The following GLDN variants were observed in gnomAD, a reference collection of about 807,000 sequenced individuals.
GLDN encodes gliomedin.
In GLDN, 47 loss-of-function variants were observed where a neutral mutation model predicts 56.5. The ratio of observed to expected loss-of-function variants is 0.83; its 90% confidence interval spans 0.66 to 1.06. The LOEUF (loss-of-function observed/expected upper bound fraction) is 1.06. Among genes scored for constraint, GLDN ranks in the 50% least tolerant of loss-of-function variants. The pLI is 0.00. For synonymous variants in GLDN, 332 were observed against 278.8 expected (o/e 1.19, Z -1.90); for missense variants, 782 against 714.3 (o/e 1.09, Z -1.08).
Position 51,397,450 on chromosome 15 carries a change from T to TTCTC in GLDN, c.689-7_689-4dup. On this transcript the variant is annotated intron_variant, in intron 5 of 9. Transcript: ENST00000335449. ...CTACCTCTTGCCTCCTTCTCTCCCTTTCTCTCTCTCTCTCTCCAGGTGCCA... is the reference window on the plus strand; with the variant it reads ...CTACCTCTTGCCTCCTTCTCTCCCTTTCTCTCTCTCTCTCTCTCTCCAGGTGCCA... 3.5e-6 allele frequency: 4 copies of TTCTC among 1,147,114 alleles called. No homozygotes were observed. The highest frequency in any genetic ancestry group is 4.6e-6 in the Non-Finnish European group (4 of 866,148). The allele number at this position is 1,147,114 out of a possible 1,614,324, so 71.1% of individuals were successfully genotyped here.
intron 4 of GLDN, among the ~76,000 whole-genome samples, chr15:51,394,573 A>G (rs1956523213): frequency 6.6e-6 from 1 of 152,170 alleles, no homozygotes. Flanking sequence ...AGATCGCGCT[A>G]CTGCACACCA....
intron 1 of GLDN, among the ~76,000 whole-genome samples, chr15:51,349,864 C>T (rs1260870163): frequency 6.6e-6 from 1 of 151,986 alleles, no homozygotes; most frequent in Non-Finnish European, 1.5e-5. Context: ...CTCAGCCTCC[C>T]GAGTAGCTGG....
intron 1 of GLDN, among the ~76,000 whole-genome samples, chr15:51,374,818 G>A (rs887933976): frequency 1.4e-5 from 2 of 146,168 alleles, no homozygotes; most frequent in Non-Finnish European, 3.0e-5. Context: ...GTTCACTGCA[G>A]CCTCAGCCTC....
chr15:51,397,084 C>A (rs984107929), intron 5 of GLDN, among the ~76,000 whole-genome samples: 1 of 152,252 alleles, frequency 6.6e-6, no homozygotes, highest in Admixed American at 6.5e-5. Flanking sequence ...CAGGTCAGAG[C>A]AGAGGGTGTC....
chr15:51,396,028 TC>T (rs2141123694), intron 5 of GLDN, among the ~76,000 whole-genome samples: 1 of 152,210 alleles, frequency 6.6e-6, no homozygotes, highest in South Asian at 2.1e-4. Context: ...GGGCTCTGCC[TC>T]CATGATCCAA....
chr15:51,373,042 G>A (rs926024725), intron 1 of GLDN, among the ~76,000 whole-genome samples: 1 of 151,980 alleles, frequency 6.6e-6, no homozygotes, highest in African/African-American at 2.4e-5. Flanking sequence ...CCTCCTTTAG[G>A]CCCCACCTCC....
chr15:51,400,450 T>C lies in GLDN; in HGVS notation c.979T>C (p.Ser327Pro). 6.2e-7 allele frequency: 1 copy of C among 1,613,766 alleles called. No individual in the cohort carries two copies. The highest frequency in any genetic ancestry group is 8.5e-7 in the Non-Finnish European group (1 of 1,179,786). The change falls in exon 8 of 10, where the codon TCT becomes CCT. Residue 327 changes from serine to proline, a missense_variant. By Grantham distance (74) the Ser-to-Pro change is moderately conservative. Transcript: ENST00000335449. ...GACATTTGGGACTTGGATAAGAGAG[T>C]CTGCTAACAAGAGTGATGACCGGAT... is the stretch of plus-strand genomic sequence containing the variant. ...TETFGTWIRE[S>P]ANKSDDRIWV... is the part of the protein sequence containing the mutation.
At chr15:51,378,599 G>C (rs1397740966) in intron 2 of GLDN, among the ~76,000 whole-genome samples, 1 of 152,158 alleles carries the variant, frequency 6.6e-6, no homozygotes, top group Non-Finnish European at 1.5e-5. Flanking sequence ...AGACCACTTA[G>C]GAGAGATTGG....
At chr15:51,353,567 T>C (rs2037115084) in intron 1 of GLDN, among the ~76,000 whole-genome samples, 1 of 152,060 alleles carries the variant, frequency 6.6e-6, no homozygotes, top group African/African-American at 2.4e-5. Context: ...AAAATTTGTA[T>C]GCTGGCATTT....
chr15:51,379,805 C>T (rs2037716566), intron 2 of GLDN, among the ~76,000 whole-genome samples: 1 of 152,152 alleles, frequency 6.6e-6, no homozygotes, highest in Non-Finnish European at 1.5e-5. Flanking sequence ...GGGCCCAGTG[C>T]AAAATGAAAA....
chr15:51,378,327 G>A (rs751331593), intron 2 of GLDN, among the ~76,000 whole-genome samples: 5 of 152,132 alleles, frequency 3.3e-5, no homozygotes, highest in Admixed American at 6.5e-5. Context: ...GTCATATTCC[G>A]GCCCTCACTG....
chr15:51,342,634 G>A (rs1360110446), intron 1 of GLDN, among the ~76,000 whole-genome samples: 1 of 152,194 alleles, frequency 6.6e-6, no homozygotes, highest in African/African-American at 2.4e-5. Context: ...TGGGAAAGTT[G>A]CCCCTGGATC....
chr15:51,402,027 C>T (rs2038263889), intron 9 of GLDN, among the ~76,000 whole-genome samples: 1 of 152,200 alleles, frequency 6.6e-6, no homozygotes, highest in African/African-American at 2.4e-5. Context: ...GCCGCAGCTT[C>T]CCCATCCTCT....
intron 1 of GLDN, among the ~76,000 whole-genome samples, chr15:51,362,439 T>G (rs1464437701): frequency 6.7e-6 from 1 of 149,604 alleles, no homozygotes; most frequent in East Asian, 2.0e-4. Flanking sequence ...GAGCTGAGAT[T>G]GTGCCACTGC....
At chr15:51,398,508 G>A (rs1335260326) in intron 6 of GLDN, among the ~76,000 whole-genome samples, 1 of 152,222 alleles carries the variant, frequency 6.6e-6, no homozygotes, top group African/African-American at 2.4e-5. Context: ...TCATAAGGAG[G>A]ATCCTCACTG....
Position 51,383,999 on chromosome 15 carries a change from A to G in GLDN, c.541+107A>G, listed in dbSNP as rs115568296. ...CAGGGGTAAGGTGTTTCATCTCTGC[A>G]CAGTTTAAGGCCGGTTTAACTCTTA... On this transcript the variant is annotated intron_variant, in intron 4 of 9. Transcript: ENST00000335449. The G allele has an allele frequency of 3.2e-3, 2,780 of 869,232 alleles. 52 individuals carry two copies. The African/African-American group carries it at 0.042, about 13-fold the overall frequency. 53.8% of individuals were successfully genotyped at this position (869,232 alleles called of 1,614,324 possible).
intron 2 of GLDN, among the ~76,000 whole-genome samples, chr15:51,381,780 T>C (rs1268503311): frequency 1.3e-5 from 2 of 151,954 alleles, no homozygotes; most frequent in Non-Finnish European, 2.9e-5. Flanking sequence ...TTTTTTTTTT[T>C]CTGCAATGCC....
chr15:51,409,182 CACA>C (rs2038437451), downstream of GLDN, among the ~76,000 whole-genome samples: 1 of 150,900 alleles, frequency 6.6e-6, no homozygotes, highest in African/African-American at 2.4e-5. Context: ...GTAACGCTGT[CACA>C]ACGCCAAAAA....
rs1025159330 is a variant in GLDN at position 51,406,326 on chromosome 15, G to C, written c.*1572G>C. On this transcript the variant is annotated 3_prime_UTR_variant, in exon 10 of 10. Transcript: ENST00000335449. ...CGCTGCGGCCCCGGGAAGGGCCACT[G>C]CGAATAGAGAGGAAGCTGGAAAAGT... 10 of 152,170 alleles carry C rather than the reference G, an allele frequency of 6.6e-5. No individual in the cohort carries two copies. The highest frequency in any genetic ancestry group is 8.8e-5 in the Non-Finnish European group (6 of 68,040). 9.4% of individuals were successfully genotyped at this position (152,170 alleles called of 1,614,324 possible).
Sources: allele counts gnomAD v4.1 joint callset (sites outside exome capture counted in the v4.1 genomes callset), GRCh38; gene constraint gnomAD v4.1.1; transcripts MANE v1.5; gene names NCBI Gene and HGNC (gene_info 2026-07-23, HGNC 2026-07-21).